Variants in CD99L2 observed in about 807,000 individuals in gnomAD.
CD99L2 encodes the protein CD99 antigen-like protein 2.
CD99L2 carries 24 observed loss-of-function variants against 27.3 expected under a neutral mutation model. The ratio of observed to expected loss-of-function variants is 0.88; its 90% CI spans 0.64 to 1.24. The LOEUF (loss-of-function observed/expected upper bound fraction) is 1.24, where lower values mean the gene tolerates loss of function less well. CD99L2 is among the 50% of genes most tolerant of loss of function. CD99L2 has a pLI of 0.00. For synonymous variants in CD99L2, 97 were observed against 87.9 expected (o/e 1.10, Z -0.58); for missense variants, 255 against 221.6 (o/e 1.15, Z -0.96).
At chrX:150,792,466 C>A (rs1204944520) in intron 7 of CD99L2, among the ~76,000 whole-genome samples, 1 of 111,980 alleles carries the variant, frequency 8.9e-6, no homozygotes, top group Non-Finnish European at 1.9e-5. Context: ...GCTTTTTGTG[C>A]TTTTTAGTAG....
At chrX:150,778,614 C>A (rs2045449586) in intron 7 of CD99L2, among the ~76,000 whole-genome samples, 1 of 105,303 alleles carries the variant, frequency 9.5e-6, no homozygotes, top group Admixed American at 1.0e-4. Context: ...TGTTGGTGTG[C>A]TGCACCCATT....
rs1181955711 is a variant in CD99L2, at chrX:150,768,324, G to C, written c.*710C>G. ...GGAATCAGATGGGAAACAGGCCTAC[G>C]AATTGCTTCATACTTATCCGGAAGA... is the stretch of plus-strand genomic sequence containing the variant. On this transcript the variant is annotated 3_prime_UTR_variant, in exon 11 of 11. Transcript: ENST00000370377. The C allele has an allele frequency of 8.9e-6, 1 of 112,420 alleles. No individual in the cohort carries two copies. The highest frequency in any genetic ancestry group is 3.2e-5 in the African/African-American group (1 of 30,888). 9.3% of individuals were successfully genotyped at this position (112,420 alleles called of 1,213,427 possible). A position where few individuals can be genotyped will look rare whatever the true frequency, so the allele number is the denominator to read the frequency against.
chrX:150,866,245 G>A (rs2047058991), intron 1 of CD99L2, among the ~76,000 whole-genome samples: 1 of 111,665 alleles, frequency 9.0e-6, no homozygotes, highest in African/African-American at 3.3e-5. Flanking sequence ...GCAATTCTCA[G>A]ATGCAAAATG....
intron 7 of CD99L2, among the ~76,000 whole-genome samples, chrX:150,779,810 T>C (rs2045480560): frequency 8.9e-6 from 1 of 112,100 alleles, no homozygotes; most frequent in African/African-American, 3.2e-5. Context: ...AAAAATGACT[T>C]TCTAAATATG....
chrX:150,806,159 G>C (rs1437388352), intron 4 of CD99L2, among the ~76,000 whole-genome samples: 2 of 112,190 alleles, frequency 1.8e-5, no homozygotes, highest in Non-Finnish European at 3.8e-5. Context: ...ACTGGGTATG[G>C]GGTGCATAGG....
rs782505011 is a variant in CD99L2 at position 150,875,277 on chromosome X, A to G, written c.67+23245T>C. Among the ~76,000 whole-genome samples the G allele has an allele frequency of 9.8e-5, 11 of 112,312 alleles. No individual in the cohort carries two copies. In the South Asian group the frequency reaches 3.7e-3, roughly 38 times the overall value. On this transcript the variant is annotated intron_variant, in intron 1 of 10. Coordinates refer to ENST00000370377, the MANE Select transcript of CD99L2 (RefSeq NM_031462.4). ...TCAGTTTACTTTACACAAATATCAC[A>G]CTATGCAAAATTATAGTGCACTATC...
intron 9 of CD99L2, among the ~76,000 whole-genome samples, chrX:150,773,825 G>A (rs1442485176): frequency 3.6e-5 from 4 of 112,460 alleles, no homozygotes; most frequent in African/African-American, 1.3e-4. Flanking sequence ...TGTTCTGGCA[G>A]CCCCAGTGAA....
Position 150,795,407 on chromosome X carries a change from G to A in CD99L2, c.346+11C>T, listed in dbSNP as rs782647607. 181 of 1,209,079 alleles carry A rather than the reference G, an allele frequency of 1.5e-4. 1 individual carries two copies. In the Middle Eastern group the frequency reaches 2.5e-3, roughly 17 times the overall value. On this transcript the variant is annotated intron_variant, in intron 5 of 10. Transcript: ENST00000370377. ...CTTGCCTTACTACTCTCCTCAGAGC[G>A]GCCACCTTACCTAAAGTATTTGCTG... is the stretch of plus-strand genomic sequence containing the variant.
intron 1 of CD99L2, among the ~76,000 whole-genome samples, chrX:150,860,848 G>GA (rs1261050994): frequency 1.8e-5 from 2 of 111,318 alleles, no homozygotes; most frequent in African/African-American, 3.3e-5. Context: ...CTCATGGACT[G>GA]AAAAAATGAA....
Position 150,831,269 on chromosome X carries a change from T to G in CD99L2, c.92A>C (p.Asn31Thr). The G allele has an allele frequency of 8.3e-7, 1 of 1,204,522 alleles. No homozygotes were observed. The highest frequency in any genetic ancestry group is 1.1e-6 in the Non-Finnish European group (1 of 891,437). The stretch of plus-strand genomic sequence containing the variant: ...AGTTTCTTTCACTGCATCCTCCAGG[T>G]TAAAATCATCAAAGTCCCCAGATCC... ...QRGSGDFDDF[N>T]LEDAVKETSS... The change falls in exon 2 of 11, where the codon AAC becomes ACC. Residue 31 changes from asparagine to threonine, a missense_variant. Asn to Thr is a moderately conservative substitution (Grantham distance 65). Transcript: ENST00000370377.
chrX:150,771,424 A>G (rs1557419064), intron 9 of CD99L2, among the ~76,000 whole-genome samples: 1 of 112,399 alleles, frequency 8.9e-6, no homozygotes, highest in Non-Finnish European at 1.9e-5. Flanking sequence ...CCCAGCTGAC[A>G]GGTGGGGGCC....
At chrX:150,871,078 G>A (rs887539975) in intron 1 of CD99L2, among the ~76,000 whole-genome samples, 1 of 112,459 alleles carries the variant, frequency 8.9e-6, no homozygotes, top group Non-Finnish European at 1.9e-5. Flanking sequence ...ACTTATTCTT[G>A]GATGTGCAGT....
At chrX:150,806,457 A>T (rs1557420240) in intron 4 of CD99L2, among the ~76,000 whole-genome samples, 1 of 111,877 alleles carries the variant, frequency 8.9e-6, no homozygotes, top group East Asian at 2.8e-4. Context: ...GGTCTTGCTA[A>T]GTTGTCCAGG....
intron 1 of CD99L2, among the ~76,000 whole-genome samples, chrX:150,847,855 C>T (rs2068216134): frequency 9.0e-6 from 1 of 111,226 alleles, no homozygotes; most frequent in Non-Finnish European, 1.9e-5. Context: ...CCAGCACATG[C>T]ACAAAGCCCA....
At chrX:150,782,918 G>A (rs1261823662) in intron 7 of CD99L2, among the ~76,000 whole-genome samples, 1 of 110,829 alleles carries the variant, frequency 9.0e-6, no homozygotes, top group African/African-American at 3.3e-5. Flanking sequence ...GATACTTGAA[G>A]ACAATGACTG....
At chrX:150,829,017 T>TG (rs376728709) in intron 2 of CD99L2, 1 of 111,163 alleles carries the variant, frequency 9.0e-6, no homozygotes, top group African/African-American at 3.3e-5. Context: ...TCCACACTAC[T>TG]GGAACGCTGG....
intron 9 of CD99L2, among the ~76,000 whole-genome samples, chrX:150,773,931 G>A (rs1047451544): frequency 2.7e-5 from 3 of 111,553 alleles, no homozygotes; most frequent in East Asian, 5.6e-4. Flanking sequence ...TTGTTGCTAC[G>A]AACCAAACCT....
intron 1 of CD99L2, among the ~76,000 whole-genome samples, chrX:150,892,879 T>C (rs781979414): frequency 3.3e-4 from 37 of 111,393 alleles, no homozygotes; most frequent in African/African-American, 1.2e-3. Context: ...CCCAGCACTT[T>C]GGGAGGCCAA....
chrX:150,794,443 T>C (rs1391779379), intron 6 of CD99L2, among the ~76,000 whole-genome samples: 7 of 112,069 alleles, frequency 6.2e-5, no homozygotes, highest in Non-Finnish European at 1.3e-4. Context: ...TAAATGGGTG[T>C]TGCCTTAACT....
Sources: gnomAD v4.1 joint callset for allele counts (sites outside exome capture counted in the v4.1 genomes callset) on GRCh38, gnomAD v4.1.1 for gene constraint, MANE v1.5 for transcripts, NCBI Gene and HGNC (gene_info 2026-07-23, HGNC 2026-07-21) for gene names.